Variants in MYO5B observed in about 807,000 individuals in gnomAD.
MYO5B encodes myosin VB.
A neutral mutation model predicts 229.3 loss-of-function variants in MYO5B; 143 were observed. That is an observed-to-expected ratio of 0.62 (90% CI 0.54 to 0.72). The LOEUF is 0.72. MYO5B is among the 30% of genes least tolerant of loss of function. The pLI is 0.00. For missense variants in MYO5B, 2,321 were observed against 2,331.0 expected, an observed-to-expected ratio of 1.00 and a Z score of 0.09; for synonymous variants, 918 against 885.2, an observed-to-expected ratio of 1.04 and a Z score of -0.66.
chr18:50,174,237 T>C (rs1228217969), intron 1 of MYO5B, among the ~76,000 whole-genome samples: 1 of 152,210 alleles, frequency 6.6e-6, no homozygotes, highest in East Asian at 1.9e-4. Flanking sequence ...AGGAGGTTTA[T>C]TATGAAAACT....
chr18:49,899,085 C>A (rs750937712), intron 21 of MYO5B, among the ~76,000 whole-genome samples: 20 of 152,148 alleles, frequency 1.3e-4, no homozygotes, highest in Non-Finnish European at 2.8e-4. Flanking sequence ...TGAGACAGAA[C>A]CCAGGCCTCT....
rs1232063716 is a variant in MYO5B at position 50,194,812 on chromosome 18, C to A, written c.-19G>T. The A allele has an allele frequency of 2.3e-6, 3 of 1,333,022 alleles. No individual in the cohort carries two copies. Among genetic ancestry groups the A allele is most frequent in the South Asian group, 2.0e-5 (1 of 50,482 alleles). 82.6% of individuals were successfully genotyped at this position (1,333,022 alleles called of 1,614,324 possible). A position where few individuals can be genotyped will look rare whatever the true frequency, so the allele number is the denominator to read the frequency against. On this transcript the variant is annotated 5_prime_UTR_variant, in exon 1 of 40. Coordinates refer to ENST00000285039, the MANE Select transcript of MYO5B (RefSeq NM_001080467.3). ...CCGACATGGCCCGGGCCGGGCGGGGCTCGGGCCCCGGCTCCTGGCTGCCCC... is the reference window on the plus strand; with the variant it reads ...CCGACATGGCCCGGGCCGGGCGGGGATCGGGCCCCGGCTCCTGGCTGCCCC...
intron 1 of MYO5B, among the ~76,000 whole-genome samples, chr18:50,128,269 A>G (rs1377424912): frequency 3.8e-5 from 5 of 130,280 alleles, no homozygotes; most frequent in Non-Finnish European, 6.8e-5. Context: ...GAAGATGTGA[A>G]AAAATGAGAG....
chr18:50,050,224 C>T (rs2030356024), intron 2 of MYO5B, among the ~76,000 whole-genome samples: 1 of 152,104 alleles, frequency 6.6e-6, no homozygotes, highest in Non-Finnish European at 1.5e-5. Flanking sequence ...CAAACTCTAC[C>T]TCTACTAAGA....
Position 50,103,864 on chromosome 18 carries a change from GT to G in MYO5B, c.28-48487del, listed in dbSNP as rs1426733476. 2.6e-5 allele frequency among the ~76,000 whole-genome samples: 4 copies of G among 152,094 alleles called. No individual in the cohort carries two copies. The East Asian group carries it at 7.7e-4, about 29-fold the overall frequency. ...AATAATTTGCCGTCAAGCACATGCA[GT>G]TCCAAATGGGTAGGGCAAGCATGCA... is the stretch of plus-strand genomic sequence containing the variant. On this transcript the variant is annotated intron_variant, in intron 1 of 39. Transcript: ENST00000285039.
At chr18:49,827,722 C>A (rs1301152000) in intron 39 of MYO5B, among the ~76,000 whole-genome samples, 2 of 151,714 alleles carry the variant, frequency 1.3e-5, no homozygotes, top group Non-Finnish European at 2.9e-5. Flanking sequence ...ACAGGAGTAC[C>A]AGAAGGAAAA....
intron 17 of MYO5B, among the ~76,000 whole-genome samples, chr18:49,915,016 C>T (rs551143690): frequency 2.0e-5 from 3 of 152,062 alleles, no homozygotes; most frequent in African/African-American, 2.4e-5. Context: ...TGTCTTTCCC[C>T]CTCCTCATTG....
chr18:50,132,353 G>A (rs1245299843), intron 1 of MYO5B, among the ~76,000 whole-genome samples: 1 of 152,012 alleles, frequency 6.6e-6, no homozygotes, highest in Non-Finnish European at 1.5e-5. Flanking sequence ...AACCTCTCTG[G>A]GTTTCAGTTT....
At chr18:49,826,661 C>CTG (rs778503958) in intron 39 of MYO5B, 38 bp from the exon 40 acceptor site, 9 of 1,610,668 alleles carry the variant, frequency 5.6e-6, no homozygotes, top group Non-Finnish European at 7.6e-6. Flanking sequence ...GTTTGAGTAC[C>CTG]CCTAAAAATA....
intron 39 of MYO5B, among the ~76,000 whole-genome samples, chr18:49,827,116 C>T (rs1368688400): frequency 6.6e-6 from 1 of 152,166 alleles, no homozygotes. Flanking sequence ...ACTGAAGCTA[C>T]CTTGAAGTAG....
intron 1 of MYO5B, among the ~76,000 whole-genome samples, chr18:50,194,037 C>G (rs1158536862): frequency 6.6e-6 from 1 of 152,190 alleles, no homozygotes; most frequent in Non-Finnish European, 1.5e-5. Flanking sequence ...CGACTTTACT[C>G]CAACCCCCTC....
intron 1 of MYO5B, among the ~76,000 whole-genome samples, chr18:50,129,957 A>AC (rs1188675636): frequency 1.5e-4 from 23 of 151,768 alleles, no homozygotes; most frequent in African/African-American, 4.8e-4. Flanking sequence ...CCCAATGACC[A>AC]CCGCCCCACC....
intron 27 of MYO5B, 49 bp downstream of exon 27, chr18:49,872,118 C>T (rs774361508): frequency 1.3e-6 from 2 of 1,573,120 alleles, no homozygotes; most frequent in Non-Finnish European, 1.7e-6. Flanking sequence ...TTGTCATCTG[C>T]CCTCTGCCAG....
intron 17 of MYO5B, among the ~76,000 whole-genome samples, chr18:49,917,221 C>A (rs2025026650): frequency 6.6e-6 from 1 of 152,172 alleles, no homozygotes; most frequent in Admixed American, 6.5e-5. Context: ...CACGTTTAAC[C>A]CTTACAGCAC....
chr18:49,880,408 T>A lies in MYO5B; in HGVS notation c.3093A>T (p.Lys1031Asn). The A allele has an allele frequency of 6.2e-7, 1 of 1,614,172 alleles. No individual in the cohort carries two copies. Among genetic ancestry groups the A allele is most frequent in the Non-Finnish European group, 8.5e-7 (1 of 1,180,014 alleles). The change falls in exon 23 of 40, where the codon AAA (lysine) becomes AAT (asparagine). Residue 1031 changes from lysine to asparagine, a missense_variant. Physicochemically the swap from Lys to Asn is moderately conservative, Grantham distance 94 (BLOSUM62 0). Around this residue, in one of 2 missense-constraint regions of MYO5B, gnomAD observed 2,113 missense variants for 2,044.7 expected, o/e 1.03. Transcript: ENST00000285039. ...EQENALLKDE[K>N]EQLNNQILCQ... Reference sequence around the variant, plus strand: ...ACAGGATTTGGTTGTTGAGCTGTTCTTTCTCATCTTTCAAGAGAGCATTTT... The same window carrying A: ...ACAGGATTTGGTTGTTGAGCTGTTCATTCTCATCTTTCAAGAGAGCATTTT...
At chr18:49,832,803 G>C (rs1032969169) in intron 39 of MYO5B, among the ~76,000 whole-genome samples, 1 of 152,174 alleles carries the variant, frequency 6.6e-6, no homozygotes, top group Non-Finnish European at 1.5e-5. Flanking sequence ...GTTTAAAGGA[G>C]AGAAAGGTAT....
intron 1 of MYO5B, among the ~76,000 whole-genome samples, chr18:50,082,579 G>A (rs976305173): frequency 6.6e-6 from 1 of 152,154 alleles, no homozygotes; most frequent in African/African-American, 2.4e-5. Flanking sequence ...CATACTGTGA[G>A]ACCCAATCCT....
At chr18:49,975,507 T>G (rs538187047) in intron 9 of MYO5B, among the ~76,000 whole-genome samples, 3 of 152,176 alleles carry the variant, frequency 2.0e-5, no homozygotes, top group Non-Finnish European at 4.4e-5. Context: ...CTTAGCCTCA[T>G]TGATGCTAAA....
At chr18:50,146,344 G>C (rs2032502357) in intron 1 of MYO5B, among the ~76,000 whole-genome samples, 1 of 152,212 alleles carries the variant, frequency 6.6e-6, no homozygotes, top group Admixed American at 6.5e-5. Flanking sequence ...ACTTTGGAAA[G>C]CCCTCTTCCT....
Sources: allele counts gnomAD v4.1 joint callset (sites outside exome capture counted in the v4.1 genomes callset), GRCh38; gene constraint gnomAD v4.1.1; regional missense constraint gnomAD v4.1.1; transcripts MANE v1.5; gene names NCBI Gene and HGNC (gene_info 2026-07-23, HGNC 2026-07-21).